FOXJ3: variants seen among roughly 807,000 people sequenced by gnomAD.
FOXJ3 encodes forkhead box J3, also known as forkhead box protein J3.
FOXJ3 carries 22 observed loss-of-function variants against 76.1 expected under a neutral mutation model. That is an observed-to-expected ratio of 0.29 (90% CI 0.21 to 0.41). The LOEUF (loss-of-function observed/expected upper bound fraction) is 0.41. FOXJ3 is among the 10% of genes least tolerant of loss of function. The pLI, the probability that FOXJ3 is intolerant of heterozygous loss-of-function variation, is 1.00. For synonymous variants in FOXJ3, 269 were observed against 261.2 expected (o/e 1.03, Z -0.29); for missense variants, 613 against 762.1 (o/e 0.80, Z 2.30).
chr1:42,227,134 G>C (rs778016136), intron 5 of FOXJ3, among the ~76,000 whole-genome samples: 5 of 152,128 alleles, frequency 3.3e-5, no homozygotes, highest in Admixed American at 6.5e-5. Context: ...TTCCATAAAA[G>C]AGTTTTATAA....
At chr1:42,225,713 T>G (rs1323082542) in intron 5 of FOXJ3, among the ~76,000 whole-genome samples, 1 of 152,120 alleles carries the variant, frequency 6.6e-6, no homozygotes, top group Admixed American at 6.5e-5. Context: ...ATTTTAAACT[T>G]AAAGTGATGA....
At chr1:42,255,313 C>A (rs534776090) in intron 4 of FOXJ3, among the ~76,000 whole-genome samples, 1 of 152,198 alleles carries the variant, frequency 6.6e-6, no homozygotes, top group African/African-American at 2.4e-5. Context: ...CAAATAGACT[C>A]TGATAAGTTG....
chr1:42,183,261 A>G (rs1292805605), intron 11 of FOXJ3, among the ~76,000 whole-genome samples: 1 of 131,696 alleles, frequency 7.6e-6, no homozygotes, highest in African/African-American at 3.0e-5. Context: ...GTCAAAAGAG[A>G]AGAGAGAGGA....
At chr1:42,321,944 T>C (rs1254303417) in intron 1 of FOXJ3, among the ~76,000 whole-genome samples, 2 of 152,194 alleles carry the variant, frequency 1.3e-5, no homozygotes, top group African/African-American at 4.8e-5. Context: ...CCATTTCATG[T>C]TGTTTCTGTA....
intron 4 of FOXJ3, among the ~76,000 whole-genome samples, chr1:42,240,687 C>T (rs1347767058): frequency 6.6e-6 from 1 of 152,144 alleles, no homozygotes; most frequent in African/African-American, 2.4e-5. Flanking sequence ...TCTCCTAACT[C>T]ACACCACACG....
At chr1:42,298,101 G>A (rs1653902610) in intron 2 of FOXJ3, among the ~76,000 whole-genome samples, 1 of 152,044 alleles carries the variant, frequency 6.6e-6, no homozygotes, top group Non-Finnish European at 1.5e-5. Context: ...CACGAGATCT[G>A]ATGGTTTTAC....
chr1:42,290,441 G>A (rs1201501183), intron 2 of FOXJ3, among the ~76,000 whole-genome samples: 1 of 152,078 alleles, frequency 6.6e-6, no homozygotes, highest in Non-Finnish European at 1.5e-5. Context: ...ATGAAAAGGA[G>A]TGAAAAAATG....
intron 2 of FOXJ3, among the ~76,000 whole-genome samples, chr1:42,302,497 G>T (rs565181424): frequency 6.6e-6 from 1 of 152,338 alleles, no homozygotes; most frequent in South Asian, 2.1e-4. Context: ...CAAGCACCAG[G>T]TATGGGGGGC....
intron 1 of FOXJ3, among the ~76,000 whole-genome samples, chr1:42,324,101 T>TTTATATACACA (rs1655618691): frequency 4.4e-5 from 1 of 22,740 alleles, no homozygotes; most frequent in Non-Finnish European, 8.0e-5. Flanking sequence ...GTATATATAC[T>TTTATATACACA]GTGTATATAC....
Position 42,191,347 on chromosome 1 carries a change from G to A in FOXJ3, c.1307C>T (p.Thr436Ile), listed in dbSNP as rs750377069. Residue 436 changes from threonine to isoleucine, a missense_variant, in exon 9 of 13, where the codon ACA becomes ATA. Physicochemically the swap from Thr to Ile is moderately conservative, Grantham distance 89. This residue lies in a region of FOXJ3 where 526 missense variants were observed against 601.4 expected (regional missense o/e 0.87). Transcript: ENST00000361346. ...TTGTGGGGGTGGGGGTGCCTGATGT[G>A]TTAACGTCTGATGCTGATGGTTCGG... ...HHPNHQHQTL[T>I]HQAPPPPQQV... The A allele has an allele frequency of 1.8e-5, 29 of 1,572,474 alleles. No homozygotes were observed. The highest frequency in any genetic ancestry group is 1.7e-4 in the Middle Eastern group (1 of 5,880).
intron 2 of FOXJ3, among the ~76,000 whole-genome samples, chr1:42,289,478 G>A (rs984822934): frequency 2.7e-4 from 41 of 152,062 alleles, no homozygotes; most frequent in South Asian, 6.2e-4. Flanking sequence ...AATCAATTTT[G>A]TTAGAAACAC....
At chr1:42,204,657 T>A (rs995086166) in intron 6 of FOXJ3, among the ~76,000 whole-genome samples, 15 of 152,136 alleles carry the variant, frequency 9.9e-5, no homozygotes, top group Non-Finnish European at 1.5e-5. Context: ...GTAACTGATT[T>A]GGCAGAATTG....
Position 42,199,225 on chromosome 1 carries a change from T to C in FOXJ3, c.636A>G (p.Thr212=), listed in dbSNP as rs754806044. 3.7e-6 allele frequency: 6 copies of C among 1,608,160 alleles called. No homozygotes were observed. The African/African-American group carries it at 5.4e-5, about 14-fold the overall frequency. The change falls in exon 7 of 13, where the codon ACA becomes ACG. Residue 212 remains threonine, a synonymous_variant. Transcript: ENST00000361346. The part of the protein sequence containing the change: ...LAINTVTNKV[T]LYNTDQDGSD... ...TACCATCCTGATCAGTGTTATACAATGTTACCTAAAATGAAAAAAGAAAAA... is the reference window on the plus strand; with the variant it reads ...TACCATCCTGATCAGTGTTATACAACGTTACCTAAAATGAAAAAAGAAAAA...
At chr1:42,242,453 T>C (rs1649216237) in intron 4 of FOXJ3, among the ~76,000 whole-genome samples, 2 of 151,262 alleles carry the variant, frequency 1.3e-5, no homozygotes, top group South Asian at 4.2e-4. Context: ...ATGAAATAAT[T>C]CAATCAATGA....
chr1:42,231,874 T>C (rs1382408178), intron 4 of FOXJ3, among the ~76,000 whole-genome samples: 2 of 152,216 alleles, frequency 1.3e-5, no homozygotes, highest in Non-Finnish European at 1.5e-5. Context: ...TGTATACATG[T>C]GCCATGTTGG....
intron 4 of FOXJ3, among the ~76,000 whole-genome samples, chr1:42,241,243 C>A (rs913442536): frequency 7.2e-5 from 11 of 152,146 alleles, no homozygotes; most frequent in African/African-American, 2.7e-4. Flanking sequence ...AGCACACACT[C>A]TCTGAAGCCT....
At chr1:42,229,606 A>G (rs1647896697) in intron 4 of FOXJ3, among the ~76,000 whole-genome samples, 1 of 152,138 alleles carries the variant, frequency 6.6e-6, no homozygotes, top group Admixed American at 6.5e-5. Flanking sequence ...TTATCTTTTC[A>G]AAACGGTCAC....
At chr1:42,292,698 G>A (rs1285912605) in intron 2 of FOXJ3, among the ~76,000 whole-genome samples, 3 of 152,188 alleles carry the variant, frequency 2.0e-5, no homozygotes, top group Non-Finnish European at 2.9e-5. Context: ...TGGGAATGAC[G>A]GGTATGTTCA....
At position 42,191,340 on chromosome 1, in the gene FOXJ3, C is replaced by T; in HGVS notation, c.1314G>A (p.Gln438=). 6.4e-7 allele frequency: 1 copy of T among 1,560,918 alleles called. No individual in the cohort carries two copies. The highest frequency in any genetic ancestry group is 1.2e-5 in the South Asian group (1 of 83,586). Residue 438 remains glutamine (Q), a synonymous_variant, in exon 9 of 13, where the codon CAG becomes CAA. Transcript: ENST00000361346. The part of the protein sequence containing the change: ...PNHQHQTLTH[Q]APPPPQQVSC... ...ATACCTGTTGTGGGGGTGGGGGTGC[C>T]TGATGTGTTAACGTCTGATGCTGAT...
Sources: allele counts gnomAD v4.1 joint callset (sites outside exome capture counted in the v4.1 genomes callset), GRCh38; gene constraint gnomAD v4.1.1; regional missense constraint gnomAD v4.1.1; transcripts MANE v1.5; gene names NCBI Gene and HGNC (gene_info 2026-07-23, HGNC 2026-07-21).